The following C5orf63 variants were observed in gnomAD, a reference collection of about 807,000 sequenced individuals.
C5orf63 encodes glutaredoxin-like protein C5orf63.
In C5orf63, 18 loss-of-function variants were observed where a neutral mutation model predicts 13.3. The observed-to-expected ratio is 1.36, with a 90% CI of 0.94 to 2.01. The LOEUF is 2.01. Ranked by LOEUF, C5orf63 falls within the 30% of genes most tolerant of loss-of-function variation. C5orf63 has a pLI of 0.00. For missense variants in C5orf63, 118 were observed against 127.7 expected, an observed-to-expected ratio of 0.92 and a Z score of 0.36; for synonymous variants, 38 against 44.7, an observed-to-expected ratio of 0.85 and a Z score of 0.60.
At chr5:127,043,253 A>C (rs1447415478), downstream of C5orf63, 1 of 152,208 alleles carries the variant, frequency 6.6e-6, no homozygotes, top group African/African-American at 2.4e-5. Flanking sequence ...AGAATGTTTA[A>C]AAGACTATCT....
chr5:127,044,405 G>A (rs1399108825), downstream of C5orf63: 1 of 152,030 alleles, frequency 6.6e-6, no homozygotes, highest in Non-Finnish European at 1.5e-5. Flanking sequence ...GAATTCAGAG[G>A]TTTAGCTTTG....
At chr5:127,072,696 A>T (rs983582171) in intron 1 of C5orf63, among the ~76,000 whole-genome samples, 13 of 152,202 alleles carry the variant, frequency 8.5e-5, no homozygotes, top group Non-Finnish European at 1.9e-4. Context: ...TTATTAATAA[A>T]CAAGAATAAA....
At chr5:127,062,283 T>C (rs1021828199) in intron 2 of C5orf63, among the ~76,000 whole-genome samples, 1 of 152,236 alleles carries the variant, frequency 6.6e-6, no homozygotes, top group Non-Finnish European at 1.5e-5. Flanking sequence ...TTGTAACTAG[T>C]TCTCTTTTCC....
intron 1 of C5orf63, 164 bp from the exon 2 acceptor site, chr5:127,071,849 T>TA (rs1219171431): frequency 2.6e-5 from 4 of 152,074 alleles, no homozygotes; most frequent in African/African-American, 9.7e-5. Flanking sequence ...AGTTATGAAA[T>TA]AAAAAAACTT....
At chr5:127,066,582 G>A (rs972893085) in intron 2 of C5orf63, among the ~76,000 whole-genome samples, 1 of 151,998 alleles carries the variant, frequency 6.6e-6, no homozygotes. Flanking sequence ...GGAAAACTGA[G>A]GCAAGAACAG....
At chr5:127,062,583 T>A (rs968842955) in intron 2 of C5orf63, among the ~76,000 whole-genome samples, 8 of 152,122 alleles carry the variant, frequency 5.3e-5, no homozygotes, top group African/African-American at 1.9e-4. Context: ...AAAAATAAAA[T>A]GAAAAATGAT....
chr5:127,071,681 C>T lies in C5orf63; in HGVS notation c.-105G>A, dbSNP rs1754548498. Reference sequence around the variant, plus strand: ...CTGGCTTTTGGCTTCCTCTGATGTACAGTCCTTGAATAAAGCAGTAGCAAA... The same window carrying T: ...CTGGCTTTTGGCTTCCTCTGATGTATAGTCCTTGAATAAAGCAGTAGCAAA... On this transcript the variant is annotated 5_prime_UTR_variant, in exon 2 of 5. Transcript: ENST00000296662. 1 of 152,128 alleles carries T rather than the reference C, an allele frequency of 6.6e-6. No individual in the cohort carries two copies. The highest frequency in any genetic ancestry group is 2.4e-5 in the African/African-American group (1 of 41,424). 9.4% of individuals were successfully genotyped at this position (152,128 alleles called of 1,614,324 possible). A position where few individuals can be genotyped will look rare whatever the true frequency, so the allele number is the denominator to read the frequency against.
intron 2 of C5orf63, among the ~76,000 whole-genome samples, chr5:127,061,899 G>T (rs969268379): frequency 3.3e-5 from 5 of 152,198 alleles, no homozygotes. Flanking sequence ...AAGGTCCCTG[G>T]AAATGAGGAG....
chr5:127,052,496 AAAATTT>A (rs1410949343), intron 4 of C5orf63, 111 bp downstream of exon 4: 2 of 757,108 alleles, frequency 2.6e-6, no homozygotes, highest in African/African-American at 3.6e-5. Flanking sequence ...GAACAGAAAG[AAAATTT>A]AAAAGAAAAA....
chr5:127,061,446 TG>T (rs1254914621), intron 2 of C5orf63, among the ~76,000 whole-genome samples: 3 of 152,192 alleles, frequency 2.0e-5, no homozygotes, highest in Non-Finnish European at 4.4e-5. Context: ...CACTTCTACT[TG>T]GATCTCTCTG....
chr5:127,067,378 G>C (rs1206491046), intron 2 of C5orf63, among the ~76,000 whole-genome samples: 1 of 152,090 alleles, frequency 6.6e-6, no homozygotes, highest in Non-Finnish European at 1.5e-5. Flanking sequence ...TCTATTAACA[G>C]CAGTCTCAGA....
chr5:127,053,666 G>A (rs1194795198), intron 3 of C5orf63, among the ~76,000 whole-genome samples: 1 of 152,172 alleles, frequency 6.6e-6, no homozygotes, highest in Non-Finnish European at 1.5e-5. Flanking sequence ...TCCCACCTAT[G>A]AGTGAGAACA....
At chr5:127,053,809 A>T (rs1753778545) in intron 3 of C5orf63, among the ~76,000 whole-genome samples, 1 of 152,200 alleles carries the variant, frequency 6.6e-6, no homozygotes, top group Non-Finnish European at 1.5e-5. Flanking sequence ...TATATGTGCC[A>T]TATTTTCTTA....
intron 3 of C5orf63, among the ~76,000 whole-genome samples, chr5:127,055,136 G>A (rs1753828584): frequency 6.6e-6 from 1 of 152,092 alleles, no homozygotes. Flanking sequence ...TTTGGTTACT[G>A]TAGGCTTGGA....
At chr5:127,045,295 G>C (rs903570340) in exon 5 of C5orf63, 1 of 152,206 alleles carries the variant, frequency 6.6e-6, no homozygotes, top group Non-Finnish European at 1.5e-5. Context: ...TAAAGTAAAC[G>C]TGTCAGCAGG....
At chr5:127,060,766 G>A (rs954203649) in intron 2 of C5orf63, among the ~76,000 whole-genome samples, 6 of 151,814 alleles carry the variant, frequency 4.0e-5, no homozygotes, top group African/African-American at 1.4e-4. Context: ...TCCTCACTTG[G>A]CCTGGGCCTC....
chr5:127,059,923 T>C (rs557058593), intron 2 of C5orf63, among the ~76,000 whole-genome samples: 1 of 151,992 alleles, frequency 6.6e-6, no homozygotes, highest in East Asian at 1.9e-4. Context: ...AGGCATCACC[T>C]GGGGTCGGGA....
intron 1 of C5orf63, chr5:127,072,154 C>T (rs1754568351): frequency 6.6e-6 from 1 of 152,224 alleles, no homozygotes; most frequent in South Asian, 2.1e-4. Flanking sequence ...GCACCAGCCC[C>T]ACCAATCTTA....
At chr5:127,058,073 CG>C (rs1753956929) in intron 3 of C5orf63, among the ~76,000 whole-genome samples, 1 of 151,802 alleles carries the variant, frequency 6.6e-6, no homozygotes, top group African/African-American at 2.4e-5. Context: ...ATTTTAGGTT[CG>C]GGGGTACATG....
Sources: allele counts gnomAD v4.1 joint callset (sites outside exome capture counted in the v4.1 genomes callset), GRCh38; gene constraint gnomAD v4.1.1; transcripts MANE v1.5; gene names NCBI Gene and HGNC (gene_info 2026-07-23, HGNC 2026-07-21).